FBXO42: variants seen among roughly 807,000 people sequenced by gnomAD.
The protein encoded by FBXO42 is F-box protein 42, also known as F-box only protein 42.
FBXO42 carries 12 observed loss-of-function variants against 71.7 expected under a neutral mutation model. The ratio of observed to expected loss-of-function variants is 0.17; its 90% CI spans 0.11 to 0.27. The LOEUF is 0.27. FBXO42 is among the 10% of genes least tolerant of loss of function. FBXO42 has a pLI of 1.00. For synonymous variants in FBXO42, 325 were observed against 327.5 expected (o/e 0.99, Z 0.08); for missense variants, 707 against 911.9 (o/e 0.78, Z 2.89).
intron 3 of FBXO42, among the ~76,000 whole-genome samples, chr1:16,305,485 G>T (rs763371397): frequency 5.7e-4 from 87 of 152,212 alleles, no homozygotes; most frequent in Admixed American, 1.1e-3. Context: ...GGGAGGCCAA[G>T]GCAGGCCTAT....
chr1:16,316,730 CAAA>C (rs71003274), intron 1 of FBXO42, among the ~76,000 whole-genome samples: 6,846 of 51,204 alleles, frequency 0.13, 106 homozygotes, highest in Non-Finnish European at 0.18. Flanking sequence ...GAAAGACTCT[CAAA>C]AAAAAAAAAA....
At chr1:16,328,279 G>A (rs886327210) in intron 1 of FBXO42, among the ~76,000 whole-genome samples, 2 of 152,118 alleles carry the variant, frequency 1.3e-5, no homozygotes, top group Non-Finnish European at 1.5e-5. Flanking sequence ...GGAGGAAAAG[G>A]TGTAACCTAA....
chr1:16,322,885 G>C (rs771513406), intron 1 of FBXO42, among the ~76,000 whole-genome samples: 19 of 152,162 alleles, frequency 1.2e-4, no homozygotes, highest in African/African-American at 4.6e-4. Flanking sequence ...AACCTAGAAA[G>C]AATCAACTCA....
chr1:16,269,381 A>ATGCCTGG, intron 4 of FBXO42, among the ~76,000 whole-genome samples: 1 of 138,808 alleles, frequency 7.2e-6, no homozygotes, highest in East Asian at 2.2e-4. Context: ...AAACCACCGA[A>ATGCCTGG]CCCAGACTTT....
chr1:16,255,934 G>T, intron 5 of FBXO42, 113 bp from the exon 6 acceptor site: 1 of 740,496 alleles, frequency 1.4e-6, no homozygotes, highest in Non-Finnish European at 2.2e-6. Flanking sequence ...GCAGAGATTT[G>T]TTGGGATAAT....
intron 4 of FBXO42, among the ~76,000 whole-genome samples, chr1:16,270,792 A>ACG (rs57018616): frequency 6.8e-6 from 1 of 147,054 alleles, no homozygotes; most frequent in Admixed American, 6.7e-5. Flanking sequence ...ACACACACAC[A>ACG]TATAAAATTC....
chr1:16,299,083 G>A (rs2082162198), intron 3 of FBXO42, among the ~76,000 whole-genome samples: 1 of 151,964 alleles, frequency 6.6e-6, no homozygotes, highest in African/African-American at 2.4e-5. Flanking sequence ...TACAATCTTG[G>A]CTCACTGCAA....
rs1157513385 is a variant in FBXO42 at position 16,326,044 on chromosome 1, G to GTGTGTC, written c.-17-10615_-17-10610dup. ...TGTGTGTGTGTGTGTGTGTGTGTGT[G>GTGTGTC]TGTGTCTGTGTGTGTCTGTGTGTGT... On this transcript the variant is annotated intron_variant, in intron 1 of 9. Transcript: ENST00000375592. Among the ~76,000 whole-genome samples, 23 of 150,198 alleles carry GTGTGTC rather than the reference G, an allele frequency of 1.5e-4. No homozygotes were observed. In the South Asian group the frequency reaches 2.7e-3, roughly 18 times the overall value.
intron 1 of FBXO42, among the ~76,000 whole-genome samples, chr1:16,345,985 A>G (rs2082651744): frequency 1.3e-5 from 2 of 152,238 alleles, no homozygotes; most frequent in African/African-American, 4.8e-5. Context: ...CAAAGGTGAC[A>G]TATCAGAAGG....
At chr1:16,350,757 A>AGAAAAGAAAGAAAGAAAGAAAG (rs1553156684) in intron 1 of FBXO42, among the ~76,000 whole-genome samples, 5 of 44,268 alleles carry the variant, frequency 1.1e-4, no homozygotes, top group Non-Finnish European at 1.6e-4. Context: ...AAAAAAAAAA[A>AGAAAAGAAAGAAAGAAAGAAAG]AAAGAAAGAA....
chr1:16,340,598 C>T (rs1041527560), intron 1 of FBXO42, among the ~76,000 whole-genome samples: 2 of 152,070 alleles, frequency 1.3e-5, no homozygotes, highest in Non-Finnish European at 2.9e-5. Flanking sequence ...GGATTACAGG[C>T]GTGAGCCACT....
At chr1:16,269,321 G>A (rs540650324) in intron 4 of FBXO42, among the ~76,000 whole-genome samples, 32 of 151,436 alleles carry the variant, frequency 2.1e-4, no homozygotes, top group Non-Finnish European at 4.0e-4. Flanking sequence ...ACTCTTGACC[G>A]TGGGTGATCT....
At chr1:16,308,675 TTTTG>T (rs570879371) in intron 2 of FBXO42, among the ~76,000 whole-genome samples, 2 of 151,744 alleles carry the variant, frequency 1.3e-5, no homozygotes, top group Admixed American at 6.6e-5. Context: ...ATTTCTGTTT[TTTTG>T]TTTGTTTGTT....
chr1:16,313,374 G>GAAAGAAAGAAAGAAAGAA (rs1557597991), intron 2 of FBXO42, among the ~76,000 whole-genome samples: 2 of 139,530 alleles, frequency 1.4e-5, no homozygotes, highest in African/African-American at 5.7e-5. Flanking sequence ...GAAAGAAAGA[G>GAAAGAAAGAAAGAAAGAA]AAAAGAAAGA....
rs376694077 is a variant in FBXO42 at position 16,254,212 on chromosome 1, AT to A, written c.768-482del. Reference sequence around the variant, plus strand: ...CCAGACACTAGTGCCTAATGAGATTATTTTTTTAACCATCTATTAACTGAAG... The same window carrying A: ...CCAGACACTAGTGCCTAATGAGATTATTTTTTAACCATCTATTAACTGAAG... On this transcript the variant is annotated intron_variant, in intron 6 of 9. Coordinates refer to ENST00000375592, the MANE Select transcript of FBXO42 (RefSeq NM_018994.3). 3.0e-4 allele frequency among the ~76,000 whole-genome samples: 46 copies of A among 152,278 alleles called. No individual in the cohort carries two copies. The East Asian group carries it at 7.3e-3, about 24-fold the overall frequency.
chr1:16,252,191 C>T lies in FBXO42; in HGVS notation c.1038+97G>A. On this transcript the variant is annotated intron_variant, in intron 9 of 9. Coordinates refer to ENST00000375592, the MANE Select transcript of FBXO42 (RefSeq NM_018994.3). The surrounding 1 kb of genome is among the most constrained non-coding windows in gnomAD (Gnocchi z 4.4). ...CTCTTTTGTGACACCAAGGTGTTTT[C>T]TATTTTTGTACAAATTTCTTTGTAA... 3 of 950,054 alleles carry T rather than the reference C, an allele frequency of 3.2e-6. 1 individual carries two copies. In the South Asian group the frequency reaches 4.4e-5, roughly 14 times the overall value. The allele number at this position is 950,054 out of a possible 1,614,324, so 58.9% of individuals were successfully genotyped here.
Position 16,248,852 on chromosome 1 carries a change from C to T in FBXO42, c.*1818G>A, listed in dbSNP as rs984768885. 6.6e-6 allele frequency: 1 copy of T among 152,270 alleles called. No individual in the cohort carries two copies. The highest frequency in any genetic ancestry group is 2.4e-5 in the African/African-American group (1 of 41,466). 9.4% of individuals were successfully genotyped at this position (152,270 alleles called of 1,614,324 possible). A position where few individuals can be genotyped will look rare whatever the true frequency, so the allele number is the denominator to read the frequency against. On this transcript the variant is annotated 3_prime_UTR_variant, in exon 10 of 10. Transcript: ENST00000375592. Reference sequence around the variant, plus strand: ...CAAAGAGCAGTTTCTGGAACACATACCCCTCCCCACAAGCTAGGCTTGGCA... The same window carrying T: ...CAAAGAGCAGTTTCTGGAACACATATCCCTCCCCACAAGCTAGGCTTGGCA...
chr1:16,350,765 G>GAAAGAAAGAAAGAAAGAAAA (rs2082695802), intron 1 of FBXO42, among the ~76,000 whole-genome samples: 1 of 130,902 alleles, frequency 7.6e-6, no homozygotes, highest in Admixed American at 7.6e-5. Flanking sequence ...AAAAAAGAAA[G>GAAAGAAAGAAAGAAAGAAAA]AAAGAAAGAA....
chr1:16,270,070 C>G (rs1479660466), intron 4 of FBXO42, among the ~76,000 whole-genome samples: 1 of 151,916 alleles, frequency 6.6e-6, no homozygotes, highest in African/African-American at 2.4e-5. Context: ...TGCTTAGGTT[C>G]ATCTGGAACT....
Sources: allele counts gnomAD v4.1 joint callset (sites outside exome capture counted in the v4.1 genomes callset), GRCh38; gene constraint gnomAD v4.1.1; non-coding constraint Gnocchi (gnomAD v3.1); transcripts MANE v1.5; gene names NCBI Gene and HGNC (gene_info 2026-07-23, HGNC 2026-07-21).